NELL2: variants seen among roughly 807,000 people sequenced by gnomAD.
NELL2 encodes the protein neural EGFL like 2.
In NELL2, 41 loss-of-function variants were observed where a neutral mutation model predicts 109.6. The ratio of observed to expected loss-of-function variants is 0.37; its 90% CI spans 0.29 to 0.49. The LOEUF is 0.49. NELL2 is among the 20% of genes least tolerant of loss of function. NELL2 has a pLI of 0.98. For missense variants in NELL2, 900 were observed against 1,008.3 expected (o/e 0.89, Z 1.45); for synonymous variants, 355 against 344.7 (o/e 1.03, Z -0.33).
At chr12:44,824,028 T>C (rs1018576509) in intron 2 of NELL2, among the ~76,000 whole-genome samples, 1 of 152,368 alleles carries the variant, frequency 6.6e-6, no homozygotes, top group East Asian at 1.9e-4. Flanking sequence ...ACTATCTGTA[T>C]GACTTCTTTT....
chr12:44,906,829 G>C (rs1945724313), intron 1 of NELL2, among the ~76,000 whole-genome samples: 1 of 152,028 alleles, frequency 6.6e-6, no homozygotes, highest in Non-Finnish European at 1.5e-5. Flanking sequence ...GAGATTTAAA[G>C]GAAAGAAACA....
intron 2 of NELL2, among the ~76,000 whole-genome samples, chr12:44,848,030 C>CAAAAAAAAAA (rs567012744): frequency 1.4e-5 from 1 of 69,370 alleles, no homozygotes. Flanking sequence ...AACTCTGTCT[C>CAAAAAAAAAA]AAAAAAAAAA....
intron 13 of NELL2, among the ~76,000 whole-genome samples, chr12:44,620,707 G>T (rs905208675): frequency 6.6e-6 from 1 of 151,890 alleles, no homozygotes; most frequent in Non-Finnish European, 1.5e-5. Context: ...ACATTTATCC[G>T]GGGCCAGGTC....
chr12:44,840,018 G>T (rs1308478935), intron 2 of NELL2, among the ~76,000 whole-genome samples: 2 of 152,252 alleles, frequency 1.3e-5, no homozygotes, highest in East Asian at 3.9e-4. Flanking sequence ...CATGTGTGCT[G>T]CATTCTACCT....
At chr12:44,811,748 G>A (rs1314647593) in intron 3 of NELL2, among the ~76,000 whole-genome samples, 1 of 151,974 alleles carries the variant, frequency 6.6e-6, no homozygotes. Flanking sequence ...ACTGGAGTCA[G>A]GAACAGACAT....
chr12:44,870,313 C>T (rs1312423618), intron 2 of NELL2, among the ~76,000 whole-genome samples: 1 of 152,136 alleles, frequency 6.6e-6, no homozygotes, highest in Non-Finnish European at 1.5e-5. Flanking sequence ...GCAATCTAGG[C>T]TTTTTCTATC....
chr12:44,794,984 G>T (rs145635942), intron 3 of NELL2, among the ~76,000 whole-genome samples: 2,194 of 152,262 alleles, frequency 0.014, 50 homozygotes, highest in African/African-American at 0.05. Context: ...GCCCTTGTTA[G>T]TCAAATATCC....
At chr12:44,749,380 T>G (rs1004460656) in intron 9 of NELL2, among the ~76,000 whole-genome samples, 2 of 152,204 alleles carry the variant, frequency 1.3e-5, no homozygotes, top group Non-Finnish European at 2.9e-5. Context: ...TGTCACTACC[T>G]TATTATTTTT....
chr12:44,894,627 A>T (rs546968212), intron 1 of NELL2, among the ~76,000 whole-genome samples: 10 of 152,322 alleles, frequency 6.6e-5, no homozygotes, highest in African/African-American at 2.4e-4. Context: ...ATCTGTAAGG[A>T]ACTCAATGAT....
intron 12 of NELL2, among the ~76,000 whole-genome samples, chr12:44,694,392 C>T (rs1195739866): frequency 1.3e-5 from 2 of 151,954 alleles, no homozygotes; most frequent in African/African-American, 4.8e-5. Flanking sequence ...GAAACTATAC[C>T]ACTGGCTCTC....
intron 1 of NELL2, among the ~76,000 whole-genome samples, chr12:44,911,845 A>T (rs933120970): frequency 2.0e-5 from 3 of 151,972 alleles, no homozygotes; most frequent in African/African-American, 7.2e-5. Context: ...GAGTCAGAGT[A>T]AAGTCACAGG....
intron 3 of NELL2, among the ~76,000 whole-genome samples, chr12:44,799,759 T>C (rs1295435760): frequency 6.6e-6 from 1 of 152,158 alleles, no homozygotes; most frequent in African/African-American, 2.4e-5. Context: ...AAACACATTT[T>C]ATTCCAAGGC....
intron 12 of NELL2, among the ~76,000 whole-genome samples, chr12:44,700,457 T>A (rs1949196514): frequency 1.3e-5 from 2 of 152,106 alleles, no homozygotes; most frequent in African/African-American, 2.4e-5. Context: ...TCATTATCAG[T>A]CTCACTGGGC....
upstream of NELL2, among the ~76,000 whole-genome samples, chr12:44,917,853 G>T (rs140789339): frequency 4.8e-3 from 734 of 152,258 alleles, 6 homozygotes; most frequent in African/African-American, 0.017. Flanking sequence ...ACTGCAAGTG[G>T]CCTCTAGGAC....
chr12:44,768,001 C>T (rs1941402851), intron 9 of NELL2, among the ~76,000 whole-genome samples: 1 of 152,162 alleles, frequency 6.6e-6, no homozygotes, highest in Non-Finnish European at 1.5e-5. Context: ...AGTTAAACTA[C>T]TTACACTACC....
chr12:44,765,118 GC>G (rs1941277387), intron 9 of NELL2, among the ~76,000 whole-genome samples: 1 of 152,088 alleles, frequency 6.6e-6, no homozygotes, highest in African/African-American at 2.4e-5. Flanking sequence ...AGACCTTACA[GC>G]TTGTCTGAAA....
At chr12:44,618,583 C>G (rs1318220266) in intron 13 of NELL2, among the ~76,000 whole-genome samples, 2 of 152,060 alleles carry the variant, frequency 1.3e-5, no homozygotes, top group African/African-American at 2.4e-5. Flanking sequence ...ATCTTGTAAC[C>G]AGATAGATTT....
chr12:44,737,196 T>C (rs1393673072), intron 9 of NELL2, among the ~76,000 whole-genome samples: 1 of 151,970 alleles, frequency 6.6e-6, no homozygotes, highest in Admixed American at 6.6e-5. Flanking sequence ...ATAAAGTATG[T>C]TTAATTTTTG....
At chr12:44,870,684 G>A (rs1267335760) in intron 2 of NELL2, among the ~76,000 whole-genome samples, 1 of 152,104 alleles carries the variant, frequency 6.6e-6, no homozygotes, top group Non-Finnish European at 1.5e-5. Flanking sequence ...AAAGCCACCA[G>A]TGGCCAGACT....
Sources: allele counts gnomAD v4.1 joint callset (sites outside exome capture counted in the v4.1 genomes callset), GRCh38; gene constraint gnomAD v4.1.1; transcripts MANE v1.5; gene names NCBI Gene and HGNC (gene_info 2026-07-23, HGNC 2026-07-21).